DPY19L2: variants seen among roughly 807,000 people sequenced by gnomAD.
The protein encoded by DPY19L2 is probable C-mannosyltransferase DPY19L2.
A neutral mutation model predicts 97.9 loss-of-function variants in DPY19L2; 34 were observed. That is an observed-to-expected ratio of 0.35 (90% CI 0.26 to 0.46). The LOEUF is 0.46. Ranked by LOEUF, DPY19L2 falls within the 20% of genes least tolerant of loss-of-function variation. DPY19L2 has a pLI of 1.00. For missense variants in DPY19L2, 623 were observed against 911.4 expected (o/e 0.68, Z 4.07); for synonymous variants, 230 against 307.9 (o/e 0.75, Z 2.65).
intron 19 of DPY19L2, among the ~76,000 whole-genome samples, chr12:63,576,259 A>G (rs1422948984): frequency 6.6e-6 from 1 of 151,966 alleles, no homozygotes; most frequent in Non-Finnish European, 1.5e-5. Flanking sequence ...CATGATAAAA[A>G]CCTTCAAATA....
chr12:63,623,767 C>T (rs1439571001), intron 8 of DPY19L2: 1 of 303,604 alleles, frequency 3.3e-6, no homozygotes. Flanking sequence ...TGCAGTGGCA[C>T]AATCTCGGCT....
chr12:63,575,384 A>T (rs1879634073), intron 19 of DPY19L2, among the ~76,000 whole-genome samples: 3 of 151,870 alleles, frequency 2.0e-5, no homozygotes. Context: ...CCTCAAATTA[A>T]CAACTCAATG....
intron 16 of DPY19L2, among the ~76,000 whole-genome samples, chr12:63,591,940 TGAAAA>T (rs371807048): frequency 1.8e-3 from 114 of 62,138 alleles, no homozygotes; most frequent in South Asian, 5.1e-3. Flanking sequence ...CAAGACTCTG[TGAAAA>T]GAAAAGAAAA....
At chr12:63,637,993 CA>C (rs1480319969) in intron 6 of DPY19L2, among the ~76,000 whole-genome samples, 2 of 152,152 alleles carry the variant, frequency 1.3e-5, no homozygotes, top group Non-Finnish European at 2.9e-5. Context: ...AGCAGCACAT[CA>C]AAAAGCTTAT....
intron 21 of DPY19L2, among the ~76,000 whole-genome samples, chr12:63,565,794 T>C (rs1877556821): frequency 6.6e-6 from 1 of 152,180 alleles, no homozygotes; most frequent in African/African-American, 2.4e-5. Flanking sequence ...GTGATTTTTA[T>C]AATTCCATGT....
intron 6 of DPY19L2, among the ~76,000 whole-genome samples, chr12:63,641,488 C>A (rs1565825647): frequency 6.6e-6 from 1 of 152,136 alleles, no homozygotes; most frequent in South Asian, 2.1e-4. Flanking sequence ...TCAACATAAC[C>A]ATTTCTATAT....
chr12:63,666,964 A>T (rs1007523770), intron 1 of DPY19L2, among the ~76,000 whole-genome samples: 6 of 152,182 alleles, frequency 3.9e-5, no homozygotes, highest in African/African-American at 1.4e-4. Flanking sequence ...AAAATTAAAA[A>T]ATTGCAGTGT....
rs1450574691 is a variant in DPY19L2, at chr12:63,668,218, A to C, written c.176T>G (p.Ile59Ser). Residue 59 changes from isoleucine (I) to serine (S), a missense_variant, in exon 1 of 22, where the codon ATC (isoleucine) becomes AGC (serine). This residue lies in a region of DPY19L2 where 144 missense variants were observed against 119.4 expected (regional missense o/e 1.21). Coordinates refer to ENST00000324472, the MANE Select transcript of DPY19L2 (RefSeq NM_173812.5). ...GCCTTTTCGCTCTTTCAGACTTTGG[A>C]TCCTCCCCGGGGAGGACCTCCAGGA... ...RGSWRSSPGR[I>S]QSLKERKGLE... 6.2e-7 allele frequency: 1 copy of C among 1,613,470 alleles called. No individual in the cohort carries two copies. The highest frequency in any genetic ancestry group is 8.5e-7 in the Non-Finnish European group (1 of 1,179,772).
At chr12:63,641,541 A>G in intron 6 of DPY19L2, among the ~76,000 whole-genome samples, 1 of 152,162 alleles carries the variant, frequency 6.6e-6, no homozygotes, top group East Asian at 1.9e-4. Flanking sequence ...TTTAAACAAT[A>G]CAAATGGAAG....
chr12:63,594,820 C>T (rs12302776), intron 15 of DPY19L2, among the ~76,000 whole-genome samples: 7,508 of 152,050 alleles, frequency 0.049, 547 homozygotes, highest in African/African-American at 0.17. Flanking sequence ...GCTGACTCTC[C>T]GCTGAATAGT....
chr12:63,603,812 G>A (rs949671588), intron 12 of DPY19L2, among the ~76,000 whole-genome samples: 2 of 152,048 alleles, frequency 1.3e-5, no homozygotes, highest in African/African-American at 4.8e-5. Flanking sequence ...CAAAAAAAGA[G>A]CTCATATAGC....
chr12:63,641,967 T>C (rs1892763767), intron 6 of DPY19L2, among the ~76,000 whole-genome samples: 1 of 152,188 alleles, frequency 6.6e-6, no homozygotes, highest in Non-Finnish European at 1.5e-5. Flanking sequence ...TGAGTTGGTA[T>C]TTCACTGTGG....
chr12:63,656,496 A>G (rs1894993044), intron 4 of DPY19L2, among the ~76,000 whole-genome samples: 2 of 152,102 alleles, frequency 1.3e-5, no homozygotes, highest in South Asian at 4.1e-4. Flanking sequence ...TTGCATATGC[A>G]TGTTTGGTTT....
At chr12:63,636,552 C>T (rs1289308924) in intron 6 of DPY19L2, among the ~76,000 whole-genome samples, 2 of 151,850 alleles carry the variant, frequency 1.3e-5, no homozygotes, top group East Asian at 3.9e-4. Context: ...CAGAGACACA[C>T]ATAGGCTCAA....
At position 63,560,226 on chromosome 12, in the gene DPY19L2, A is replaced by G; in HGVS notation, c.*286T>C. ...ACATACCCCTGATTTATTAAAATTC[A>G]TTGTTCTTTTATATACATTTCTCTT... is the stretch of plus-strand genomic sequence containing the variant. On this transcript the variant is annotated 3_prime_UTR_variant, in exon 22 of 22. Transcript: ENST00000324472. The G allele has an allele frequency of 4.4e-6, 1 of 229,648 alleles. No individual in the cohort carries two copies. Among genetic ancestry groups the G allele is most frequent in the Middle Eastern group, 1.6e-3 (1 of 610 alleles). The allele number at this position is 229,648 out of a possible 1,614,324, so 14.2% of individuals were successfully genotyped here.
intron 8 of DPY19L2, among the ~76,000 whole-genome samples, chr12:63,623,416 AG>A (rs1889020485): frequency 6.6e-6 from 1 of 152,168 alleles, no homozygotes; most frequent in Non-Finnish European, 1.5e-5. Flanking sequence ...TCAAAACCAC[AG>A]GTTAGAAAAC....
chr12:63,631,399 A>C (rs1053237390), intron 6 of DPY19L2, among the ~76,000 whole-genome samples: 3 of 152,176 alleles, frequency 2.0e-5, no homozygotes, highest in African/African-American at 4.8e-5. Context: ...CCGATCACTC[A>C]GAAATACAAA....
chr12:63,561,579 A>G (rs1480639373), intron 21 of DPY19L2, among the ~76,000 whole-genome samples: 1 of 151,798 alleles, frequency 6.6e-6, no homozygotes, highest in Non-Finnish European at 1.5e-5. Flanking sequence ...TCTGAGCTGT[A>G]GTTCCTACAA....
chr12:63,663,030 C>T (rs1347483201), intron 3 of DPY19L2, among the ~76,000 whole-genome samples: 1 of 152,074 alleles, frequency 6.6e-6, no homozygotes, highest in East Asian at 1.9e-4. Flanking sequence ...GTCACTGAAT[C>T]GTACACTTAA....
Sources: gnomAD v4.1 joint callset for allele counts (sites outside exome capture counted in the v4.1 genomes callset) on GRCh38, gnomAD v4.1.1 for gene constraint, gnomAD v4.1.1 regional missense constraint, MANE v1.5 for transcripts, NCBI Gene and HGNC (gene_info 2026-07-23, HGNC 2026-07-21) for gene names.